The following EIF3B variants were observed in gnomAD, a reference collection of about 807,000 sequenced individuals.
The protein encoded by EIF3B is eukaryotic translation initiation factor 3 subunit B.
A neutral mutation model predicts 104.6 loss-of-function variants in EIF3B; 10 were observed. The ratio of observed to expected loss-of-function variants is 0.10; its 90% CI spans 0.06 to 0.16. The LOEUF (loss-of-function observed/expected upper bound fraction) is 0.16, where lower values mean the gene tolerates loss of function less well. EIF3B is among the 10% of genes least tolerant of loss of function. The pLI is 1.00. For synonymous variants in EIF3B, 542 were observed against 417.2 expected (o/e 1.30, Z -3.65); for missense variants, 1,014 against 1,087.9 (o/e 0.93, Z 0.96).
chr7:2,371,876 G>A, intron 11 of EIF3B, 27 bp downstream of exon 11: 8 of 1,567,746 alleles, frequency 5.1e-6, no homozygotes, highest in South Asian at 1.1e-5. Context: ...TCACTTTGAG[G>A]CGAATGGGGC....
intron 16 of EIF3B, 72 bp downstream of exon 16, chr7:2,378,838 G>A: frequency 7.3e-7 from 1 of 1,363,616 alleles, no homozygotes; most frequent in Non-Finnish European, 1.0e-6. Context: ...GCTGCGGGGA[G>A]CTGCTGTGTA....
Position 2,372,764 on chromosome 7 carries a change from C to T in EIF3B, c.1779C>T (p.His593=), listed in dbSNP as rs753415007. ...CGCGGATATCTGTGTCTTTCTACCA[C>T]GTCAAAAACAACGGGAAGATTGAAC... ...EAPRISVSFY[H]VKNNGKIELI... is the part of the protein sequence containing the mutation. The change falls in exon 12 of 19, where the codon CAC becomes CAT. Residue 593 remains histidine (H), a synonymous_variant. Coordinates refer to ENST00000360876, the MANE Select transcript of EIF3B (RefSeq NM_001037283.2). The T allele has an allele frequency of 1.6e-5, 26 of 1,614,106 alleles. No homozygotes were observed. The highest frequency in any genetic ancestry group is 5.0e-5 in the Admixed American group (3 of 60,002).
intron 2 of EIF3B, among the ~76,000 whole-genome samples, chr7:2,361,136 A>G (rs2115288056): frequency 6.6e-6 from 1 of 152,320 alleles, no homozygotes; most frequent in Non-Finnish European, 1.5e-5. Context: ...ATAGGCCAGC[A>G]TGGTGGCTTA....
chr7:2,355,507 C>A, intron 1 of EIF3B, 87 bp downstream of exon 1: 1 of 1,392,296 alleles, frequency 7.2e-7, no homozygotes, highest in Non-Finnish European at 9.3e-7. Context: ...GCTGTGCCAC[C>A]GGTTCGTGCA....
At chr7:2,364,555 A>C in intron 6 of EIF3B, 26 bp downstream of exon 6, 3 of 1,598,500 alleles carry the variant, frequency 1.9e-6, no homozygotes, top group Non-Finnish European at 2.6e-6. Context: ...AACACAGGGG[A>C]GTCTATGCAT....
rs376125182 is a variant in EIF3B at position 2,354,896 on chromosome 7, C to A, written c.-26C>A. 1.7e-6 allele frequency: 2 copies of A among 1,174,736 alleles called. No homozygotes were observed. Among genetic ancestry groups the A allele is most frequent in the Non-Finnish European group, 2.1e-6 (2 of 951,712 alleles). The allele number at this position is 1,174,736 out of a possible 1,614,324, so 72.8% of individuals were successfully genotyped here. A position where few individuals can be genotyped will look rare whatever the true frequency, so the allele number is the denominator to read the frequency against. ...AGTCGGAAGCGCGGCGGCCGCGGAG[C>A]CCTGCGAGTAGGCAGCGTTGGGCCC... On this transcript the variant is annotated 5_prime_UTR_variant, in exon 1 of 19. Transcript: ENST00000360876.
At chr7:2,354,589 T>G (rs568136052), upstream of EIF3B, among the ~76,000 whole-genome samples, 18 of 152,290 alleles carry the variant, frequency 1.2e-4, no homozygotes, top group African/African-American at 3.8e-4. Flanking sequence ...GGACGCCATG[T>G]TGGACGGAAC....
At chr7:2,368,947 A>G (rs1223726379) in intron 9 of EIF3B, among the ~76,000 whole-genome samples, 2 of 152,256 alleles carry the variant, frequency 1.3e-5, no homozygotes, top group Admixed American at 6.5e-5. Flanking sequence ...CATAGCGTGT[A>G]TAAAGATGTT....
chr7:2,365,663 GTTTGTTTGTTTGT>G lies in EIF3B; in HGVS notation c.1158-646_1158-634del, dbSNP rs1240127763. ...ATGGGACTTGTTTTTTTGTTTGTTTGTTTGTTTGTTTGTTTTGTTTTTTTTTTTTTTGAAACTG... is the reference window on the plus strand; with the variant it reads ...ATGGGACTTGTTTTTTTGTTTGTTTGTTTGTTTTTTTTTTTTTTGAAACTG... On this transcript the variant is annotated intron_variant, in intron 6 of 18. Coordinates refer to ENST00000360876, the MANE Select transcript of EIF3B (RefSeq NM_001037283.2). 3.1e-3 allele frequency among the ~76,000 whole-genome samples: 247 copies of G among 78,722 alleles called. 6 individuals are homozygous for G. The highest frequency in any genetic ancestry group is 0.02 in the African/African-American group (198 of 9,718). 51.6% of individuals were successfully genotyped at this position (78,722 alleles called of 152,430 possible).
chr7:2,377,527 G>T (rs1171715742), intron 15 of EIF3B, among the ~76,000 whole-genome samples: 1 of 100,474 alleles, frequency 1.0e-5, no homozygotes, highest in African/African-American at 5.3e-5. Context: ...GACCCTGGGT[G>T]TCAAGGAGGA....
chr7:2,362,679 G>A lies in EIF3B; in HGVS notation c.727G>A (p.Ala243Thr), dbSNP rs752665303. ...CCTGGAGTACGCGTCCCCTGCCCAC[G>A]CTGTGGATGCTGTGAAGAACGCCGA... ...IFLEYASPAH[A>T]VDAVKNADGY... Residue 243 changes from alanine (A) to threonine (T), a missense_variant, in exon 3 of 19, where the codon GCT (alanine) becomes ACT (threonine). By Grantham distance (58) the Ala-to-Thr change is moderately conservative. Coordinates refer to ENST00000360876, the MANE Select transcript of EIF3B (RefSeq NM_001037283.2). The A allele has an allele frequency of 3.1e-6, 5 of 1,614,234 alleles. No individual in the cohort carries two copies.
At chr7:2,363,480 A>AG in intron 4 of EIF3B, 152 bp from the exon 5 acceptor site, 1 of 725,018 alleles carries the variant, frequency 1.4e-6, no homozygotes. Context: ...CAAAAAAAAA[A>AG]GAAATGCTAG....
chr7:2,368,942 C>T (rs964619082), intron 9 of EIF3B, among the ~76,000 whole-genome samples: 3 of 152,274 alleles, frequency 2.0e-5, no homozygotes, highest in East Asian at 1.9e-4. Flanking sequence ...CAGCACATAG[C>T]GTGTATAAAG....
chr7:2,366,241 G>T, intron 6 of EIF3B, 76 bp from the exon 7 acceptor site: 1 of 1,465,256 alleles, frequency 6.8e-7, no homozygotes, highest in Non-Finnish European at 9.1e-7. Context: ...TTCTGACGGC[G>T]TGTTCTGGCC....
At chr7:2,354,679 A>T (rs180697970), upstream of EIF3B, among the ~76,000 whole-genome samples, 180 of 152,320 alleles carry the variant, frequency 1.2e-3, no homozygotes, top group Non-Finnish European at 2.4e-3. Context: ...AATGGAATTA[A>T]GCACTTTCTT....
At chr7:2,355,527 G>A (rs1196390547) in intron 1 of EIF3B, 107 bp downstream of exon 1, 1 of 1,367,578 alleles carries the variant, frequency 7.3e-7, no homozygotes, top group African/African-American at 1.5e-5. Context: ...AGAAGTTCCA[G>A]CGAGGGTGTC....
rs151282164 is a variant in EIF3B at position 2,363,084 on chromosome 7, G to C, written c.827G>C (p.Ser276Thr). The C allele has an allele frequency of 6.2e-7, 1 of 1,614,122 alleles. No homozygotes were observed. Among genetic ancestry groups the C allele is most frequent in the East Asian group, 2.2e-5 (1 of 44,886 alleles). Residue 276 changes from serine to threonine, a missense_variant, in exon 4 of 19, where the codon AGT (serine) becomes ACT (threonine). By Grantham distance (58) the Ser-to-Thr change is moderately conservative. Coordinates refer to ENST00000360876, the MANE Select transcript of EIF3B (RefSeq NM_001037283.2). ...FTDFDKYMTI[S>T]DEWDIPEKQP... ...TTCTTCTCCAGGTATATGACGATCA[G>C]TGACGAGTGGGATATTCCAGAGAAA...
At chr7:2,355,895 A>G (rs1040405517) in intron 1 of EIF3B, among the ~76,000 whole-genome samples, 6 of 152,180 alleles carry the variant, frequency 3.9e-5, no homozygotes, top group Admixed American at 2.0e-4. Flanking sequence ...GCCCCTCAGA[A>G]TTGTCCATCT....
At chr7:2,369,410 C>T (rs1283764880) in intron 9 of EIF3B, 62 bp from the exon 10 acceptor site, 5 of 1,545,118 alleles carry the variant, frequency 3.2e-6, no homozygotes, top group East Asian at 2.2e-5. Flanking sequence ...CTATTCTCTT[C>T]TGCTTTTCAG....
Sources: gnomAD v4.1 joint callset for allele counts (sites outside exome capture counted in the v4.1 genomes callset) on GRCh38, gnomAD v4.1.1 for gene constraint, MANE v1.5 for transcripts, NCBI Gene and HGNC (gene_info 2026-07-23, HGNC 2026-07-21) for gene names.